Variants in GLI2 observed in about 807,000 individuals in gnomAD.
GLI2 encodes the protein transcription activator GLI2.
A neutral mutation model predicts 78.9 loss-of-function variants in GLI2; 22 were observed. That is an observed-to-expected ratio of 0.28 (90% CI 0.20 to 0.40). The LOEUF is 0.40. GLI2 is among the 10% of genes least tolerant of loss of function. GLI2 has a pLI of 1.00. For missense variants in GLI2, 2,097 were observed against 2,213.2 expected (o/e 0.95, Z 1.05); for synonymous variants, 974 against 963.7 (o/e 1.01, Z -0.20).
At chr2:120,880,768 T>C (rs559781379) in intron 2 of GLI2, among the ~76,000 whole-genome samples, 124 of 152,314 alleles carry the variant, frequency 8.1e-4, no homozygotes, top group African/African-American at 2.7e-3. Context: ...TCTAGCAGAA[T>C]TGTGATTTGA....
chr2:120,960,911 A>C (rs1027649581), intron 5 of GLI2, among the ~76,000 whole-genome samples: 2 of 152,232 alleles, frequency 1.3e-5, no homozygotes, highest in African/African-American at 4.8e-5. Context: ...CCTGATTTAC[A>C]GCAGGAAGAC....
intron 2 of GLI2, among the ~76,000 whole-genome samples, chr2:120,817,272 C>T (rs775131995): frequency 1.3e-5 from 2 of 152,204 alleles, no homozygotes; most frequent in African/African-American, 2.4e-5. Context: ...GAAGTGGCCT[C>T]GGTATGAAGC....
At chr2:120,901,321 A>G (rs946061645) in intron 2 of GLI2, among the ~76,000 whole-genome samples, 3 of 152,252 alleles carry the variant, frequency 2.0e-5, no homozygotes, top group Non-Finnish European at 2.9e-5. Context: ...TCAGGATACA[A>G]TTGGGTTCTT....
At position 120,915,667 on chromosome 2, in the gene GLI2, C is replaced by A. The variant is rs1347824142; in HGVS notation, c.149-11694C>A. 2.6e-5 allele frequency among the ~76,000 whole-genome samples: 4 copies of A among 152,182 alleles called. No individual in the cohort carries two copies. The East Asian group carries it at 7.7e-4, about 29-fold the overall frequency. On this transcript the variant is annotated intron_variant, in intron 2 of 13. Coordinates refer to ENST00000361492, the MANE Select transcript of GLI2 (RefSeq NM_001374353.1). ...GAACGAACACCTGGTCACCTGGGCT[C>A]ACGTGGCTGAAGGGCTGGCCTTTGA...
chr2:120,816,367 T>C (rs1302844102), intron 2 of GLI2, among the ~76,000 whole-genome samples: 1 of 152,132 alleles, frequency 6.6e-6, no homozygotes, highest in East Asian at 1.9e-4. Context: ...GGCTAATTTT[T>C]GTATTTTTGT....
intron 1 of GLI2, among the ~76,000 whole-genome samples, chr2:120,738,136 T>C (rs1023784996): frequency 1.3e-5 from 2 of 152,260 alleles, no homozygotes; most frequent in African/African-American, 4.8e-5. Flanking sequence ...ACCTTGGCTA[T>C]GCCTGGCTGC....
intron 2 of GLI2, among the ~76,000 whole-genome samples, chr2:120,903,002 A>G (rs1307144269): frequency 1.3e-5 from 2 of 152,156 alleles, no homozygotes; most frequent in Non-Finnish European, 2.9e-5. Context: ...GTGAGACTCA[A>G]GTGATGAATG....
chr2:120,841,647 A>G (rs1488079165), intron 2 of GLI2, among the ~76,000 whole-genome samples: 1 of 152,248 alleles, frequency 6.6e-6, no homozygotes, highest in Non-Finnish European at 1.5e-5. Context: ...TGTCCTGGGC[A>G]CTGTTTAAAA....
intron 5 of GLI2, among the ~76,000 whole-genome samples, chr2:120,960,802 C>G (rs937939421): frequency 7.9e-5 from 12 of 152,210 alleles, no homozygotes; most frequent in Admixed American, 7.9e-4. Context: ...GCCAGGGTGC[C>G]GGCAGGACAG....
chr2:120,786,662 G>T (rs1472599847), intron 1 of GLI2, among the ~76,000 whole-genome samples: 1 of 152,168 alleles, frequency 6.6e-6, no homozygotes, highest in Non-Finnish European at 1.5e-5. Flanking sequence ...TGCTCTCAAG[G>T]GGTTTACAAT....
chr2:120,862,315 A>T (rs1405751249), intron 2 of GLI2, among the ~76,000 whole-genome samples: 2 of 152,192 alleles, frequency 1.3e-5, no homozygotes, highest in Non-Finnish European at 2.9e-5. Context: ...AATGCCTCCT[A>T]ACATAAGGAT....
At chr2:120,869,864 C>A (rs1383995579) in intron 2 of GLI2, among the ~76,000 whole-genome samples, 1 of 151,952 alleles carries the variant, frequency 6.6e-6, no homozygotes, top group Admixed American at 6.5e-5. Context: ...TGCAGGGGGC[C>A]CTGCAGGGGG....
rs150573615 is a variant in GLI2 at position 120,858,935 on chromosome 2, C to T, written c.148+61467C>T. 8.7e-4 allele frequency among the ~76,000 whole-genome samples: 132 copies of T among 152,348 alleles called. 1 individual carries two copies. Among genetic ancestry groups the T allele is most frequent in the African/African-American group, 3.1e-3 (127 of 41,590 alleles). On this transcript the variant is annotated intron_variant, in intron 2 of 13. Transcript: ENST00000361492. ...TTTGCAACGAGTTGTCTCCTGTGTG[C>T]GTGTTCCAGGCTTGGGCAGGACCGG...
intron 2 of GLI2, among the ~76,000 whole-genome samples, chr2:120,812,817 G>A (rs1010021187): frequency 6.6e-6 from 1 of 152,186 alleles, no homozygotes; most frequent in Non-Finnish European, 1.5e-5. Context: ...GCTGGCCCAG[G>A]TGAGTGCCCC....
intron 2 of GLI2, among the ~76,000 whole-genome samples, chr2:120,920,901 A>G (rs1317231735): frequency 1.8e-4 from 1 of 5,684 alleles, no homozygotes; most frequent in African/African-American, 2.0e-4. Context: ...CTTTTACTTG[A>G]AAAAAAAAAA....
At chr2:120,884,283 C>T (rs2104724723) in intron 2 of GLI2, among the ~76,000 whole-genome samples, 1 of 152,292 alleles carries the variant, frequency 6.6e-6, no homozygotes, top group African/African-American at 2.4e-5. Context: ...AGAGGCTGCG[C>T]GCCCATGTGC....
intron 5 of GLI2, among the ~76,000 whole-genome samples, chr2:120,967,143 A>G (rs1411652906): frequency 6.6e-6 from 1 of 152,158 alleles, no homozygotes; most frequent in African/African-American, 2.4e-5. Flanking sequence ...TATGGGCAAC[A>G]CCACCAGCCC....
chr2:120,910,899 A>G (rs1413304048), intron 2 of GLI2, among the ~76,000 whole-genome samples: 3 of 152,236 alleles, frequency 2.0e-5, no homozygotes, highest in South Asian at 2.1e-4. Flanking sequence ...AAGACCACGA[A>G]TGAAGTGAAA....
intron 13 of GLI2, among the ~76,000 whole-genome samples, chr2:120,987,844 G>T (rs1395984559): frequency 6.6e-6 from 1 of 152,214 alleles, no homozygotes; most frequent in African/African-American, 2.4e-5. Context: ...TGAAGATAGG[G>T]ACTTAGGCCT....
Sources: gnomAD v4.1 joint callset for allele counts (sites outside exome capture counted in the v4.1 genomes callset) on GRCh38, gnomAD v4.1.1 for gene constraint, MANE v1.5 for transcripts, NCBI Gene and HGNC (gene_info 2026-07-23, HGNC 2026-07-21) for gene names.